Variants in PRDM10 observed in about 807,000 individuals in gnomAD.
The protein encoded by PRDM10 is PR/SET domain 10.
A neutral mutation model predicts 133.1 loss-of-function variants in PRDM10; 65 were observed. The observed-to-expected ratio is 0.49, with a 90% CI of 0.40 to 0.60. PRDM10 has a LOEUF of 0.60. PRDM10 is among the 20% of genes least tolerant of loss of function. The probability of loss-of-function intolerance (pLI) is 0.00; values close to 1 mark genes in which losing one functional copy is unlikely to be tolerated. For synonymous variants in PRDM10, 582 were observed against 580.4 expected (o/e 1.00, Z -0.04); for missense variants, 1,137 against 1,507.1 (o/e 0.75, Z 4.07).
intron 17 of PRDM10, among the ~76,000 whole-genome samples, 198 bp from the exon 18 acceptor site, chr11:129,912,423 G>A (rs963911206): frequency 6.6e-6 from 1 of 151,980 alleles, no homozygotes; most frequent in African/African-American, 2.4e-5. Context: ...TGGGCAACAT[G>A]GCAAAACCCT....
At chr11:129,987,808 G>A (rs1158124628) in intron 1 of PRDM10, among the ~76,000 whole-genome samples, 1 of 152,184 alleles carries the variant, frequency 6.6e-6, no homozygotes, top group African/African-American at 2.4e-5. Flanking sequence ...AGACCATCCT[G>A]GCTAACACGG....
intron 1 of PRDM10, among the ~76,000 whole-genome samples, chr11:129,986,086 T>G (rs1430222109): frequency 1.3e-5 from 2 of 151,960 alleles, no homozygotes; most frequent in East Asian, 3.9e-4. Context: ...AACCAGAATG[T>G]AGATCTCCTC....
At position 129,934,887 on chromosome 11, in the gene PRDM10, C is replaced by T. The variant is rs1033068567; in HGVS notation, c.1157+214G>A. ...ATTTACCTAAGGTGAAAGCATCTCC[C>T]ATTGCTGGGTATTGGTTATGCTGGA... On this transcript the variant is annotated intron_variant, in intron 9 of 20. Coordinates refer to ENST00000360871, the MANE Select transcript of PRDM10 (RefSeq NM_199437.2). 3.3e-5 allele frequency among the ~76,000 whole-genome samples: 5 copies of T among 152,322 alleles called. No individual in the cohort carries two copies. In the East Asian group the frequency reaches 5.8e-4, roughly 18 times the overall value.
chr11:129,912,713 C>T (rs959757376), intron 17 of PRDM10, among the ~76,000 whole-genome samples: 1 of 148,564 alleles, frequency 6.7e-6, no homozygotes, highest in African/African-American at 2.5e-5. Flanking sequence ...GATTGCACCA[C>T]TGCACTCCAG....
chr11:129,942,783 G>T (rs570110181), intron 6 of PRDM10, among the ~76,000 whole-genome samples, 154 bp from the exon 7 acceptor site: 2 of 152,234 alleles, frequency 1.3e-5, no homozygotes, highest in East Asian at 3.9e-4. Context: ...CCTATGACTT[G>T]CCAAATGTCA....
At chr11:129,991,614 T>C (rs1246066856) in intron 1 of PRDM10, among the ~76,000 whole-genome samples, 3 of 151,448 alleles carry the variant, frequency 2.0e-5, no homozygotes, top group African/African-American at 7.3e-5. Context: ...AGGTCAGGAG[T>C]TCGAGACCAT....
intron 20 of PRDM10, 59 bp downstream of exon 20, chr11:129,905,579 A>G: frequency 8.2e-7 from 1 of 1,219,362 alleles, no homozygotes; most frequent in Non-Finnish European, 1.2e-6. Flanking sequence ...TGGTGATAAG[A>G]GTTACTATAC....
In PRDM10 at chr11:129,935,097, A is replaced by G; in HGVS notation, c.1157+4T>C. 1 of 1,607,714 alleles carries G rather than the reference A, an allele frequency of 6.2e-7. No individual in the cohort carries two copies. The highest frequency in any genetic ancestry group is 8.5e-7 in the Non-Finnish European group (1 of 1,174,264). ...GTCTGTGAGCATTTCTCCCTCATAC[A>G]TACCTGCTAAACACATCTAGTTTCT... On this transcript the variant is annotated splice_donor_region_variant and intron_variant, in intron 9 of 20. Coordinates refer to ENST00000360871, the MANE Select transcript of PRDM10 (RefSeq NM_199437.2).
At chr11:129,990,765 G>A (rs1938695489) in intron 1 of PRDM10, among the ~76,000 whole-genome samples, 1 of 152,098 alleles carries the variant, frequency 6.6e-6, no homozygotes, top group Admixed American at 6.6e-5. Flanking sequence ...GAGCCACTAT[G>A]CCCGGGTCCT....
chr11:129,985,379 A>G (rs1426490020), intron 1 of PRDM10, among the ~76,000 whole-genome samples: 1 of 152,154 alleles, frequency 6.6e-6, no homozygotes, highest in Non-Finnish European at 1.5e-5. Flanking sequence ...GGAAAATGCA[A>G]TTGATAGATG....
At position 129,900,636 on chromosome 11, in the gene PRDM10, C is replaced by T. The variant is rs1203941517; in HGVS notation, c.*1677G>A. The T allele has an allele frequency of 6.6e-6, 1 of 152,122 alleles. No homozygotes were observed. Among genetic ancestry groups the T allele is most frequent in the African/African-American group, 2.4e-5 (1 of 41,420 alleles). The allele number at this position is 152,122 out of a possible 1,614,324, so 9.4% of individuals were successfully genotyped here. On this transcript the variant is annotated 3_prime_UTR_variant, in exon 21 of 21. Coordinates refer to ENST00000360871, the MANE Select transcript of PRDM10 (RefSeq NM_199437.2). Reference sequence around the variant, plus strand: ...CTTCTCCTAGAAAGTCTTTCTAGACCGGACACTAGGATATTTGTAATCATT... The same window carrying T: ...CTTCTCCTAGAAAGTCTTTCTAGACTGGACACTAGGATATTTGTAATCATT...
intron 11 of PRDM10, chr11:129,929,344 G>A: frequency 2.0e-6 from 3 of 1,484,902 alleles, no homozygotes; most frequent in Middle Eastern, 1.7e-4. Flanking sequence ...AGTACAGGTT[G>A]CAAAGAACAG....
rs546266047 is a variant in PRDM10, at chr11:129,975,148, C to T, written c.-118-14066G>A. Reference sequence around the variant, plus strand: ...AATGCCACTAAATTTTACACTAGGCCGGGCATAGTGGCTCACGCCTGTAAT... The same window carrying T: ...AATGCCACTAAATTTTACACTAGGCTGGGCATAGTGGCTCACGCCTGTAAT... On this transcript the variant is annotated intron_variant, in intron 1 of 20. Transcript: ENST00000360871. Among the ~76,000 whole-genome samples, 3 of 152,246 alleles carry T rather than the reference C, an allele frequency of 2.0e-5. No homozygotes were observed. The East Asian group carries it at 5.8e-4, about 29-fold the overall frequency.
chr11:129,980,171 C>T (rs556002695), intron 1 of PRDM10, among the ~76,000 whole-genome samples: 37 of 152,274 alleles, frequency 2.4e-4, no homozygotes, highest in Non-Finnish European at 4.3e-4. Context: ...AGTTACCGTA[C>T]GACCAAGCAA....
Position 129,914,699 on chromosome 11 carries a change from A to C in PRDM10, c.2841+5T>G, listed in dbSNP as rs183483249. ...AAGGCAAAGGGAAACCAAGGCACGC[A>C]GTACCGAGGCCACTTGAACCACTTG... On this transcript the variant is annotated splice_donor_5th_base_variant and intron_variant, in intron 17 of 20. Coordinates refer to ENST00000360871, the MANE Select transcript of PRDM10 (RefSeq NM_199437.2). The C allele has an allele frequency of 6.2e-7, 1 of 1,614,242 alleles. No homozygotes were observed. The highest frequency in any genetic ancestry group is 8.5e-7 in the Non-Finnish European group (1 of 1,180,036).
At chr11:129,978,239 A>C (rs920849775) in intron 1 of PRDM10, among the ~76,000 whole-genome samples, 1 of 152,190 alleles carries the variant, frequency 6.6e-6, no homozygotes, top group Non-Finnish European at 1.5e-5. Context: ...AAGTGTGGAC[A>C]GTGAGGCACA....
At chr11:129,951,864 A>C (rs986034287) in intron 4 of PRDM10, among the ~76,000 whole-genome samples, 1 of 152,184 alleles carries the variant, frequency 6.6e-6, no homozygotes, top group Non-Finnish European at 1.5e-5. Context: ...AAAGGATTCA[A>C]GCACATTCTG....
At chr11:129,961,614 C>G (rs1340441011) in intron 1 of PRDM10, among the ~76,000 whole-genome samples, 2 of 150,824 alleles carry the variant, frequency 1.3e-5, no homozygotes, top group Non-Finnish European at 3.0e-5. Flanking sequence ...CCAATCCCAG[C>G]TCTTTGGGAG....
At chr11:129,960,071 T>C (rs1951768381) in intron 2 of PRDM10, among the ~76,000 whole-genome samples, 1 of 152,106 alleles carries the variant, frequency 6.6e-6, no homozygotes, top group Non-Finnish European at 1.5e-5. Flanking sequence ...ACTGAGACTT[T>C]TTAATCATAC....
Sources: allele counts gnomAD v4.1 joint callset (sites outside exome capture counted in the v4.1 genomes callset), GRCh38; gene constraint gnomAD v4.1.1; transcripts MANE v1.5; gene names NCBI Gene and HGNC (gene_info 2026-07-23, HGNC 2026-07-21).